The following ST3GAL1 variants were observed in gnomAD, a reference collection of about 807,000 sequenced individuals.
ST3GAL1 encodes ST3 beta-galactoside alpha-2,3-sialyltransferase 1.
In ST3GAL1, 16 loss-of-function variants were observed where a neutral mutation model predicts 34.1. The observed-to-expected ratio is 0.47, with a 90% CI of 0.32 to 0.71. The LOEUF is 0.71. Ranked by LOEUF, ST3GAL1 falls within the 30% of genes least tolerant of loss-of-function variation. The pLI is 0.04. For missense variants in ST3GAL1, 353 were observed against 447.4 expected (o/e 0.79, Z 1.90); for synonymous variants, 191 against 184.7 (o/e 1.03, Z -0.28).
intron 2 of ST3GAL1, among the ~76,000 whole-genome samples, chr8:133,541,147 A>AGAGAGAGAGAGAGAGAGAGAGT: frequency 8.0e-6 from 1 of 125,480 alleles, no homozygotes; most frequent in East Asian, 2.4e-4. Context: ...AGAGAGAGAG[A>AGAGAGAGAGAGAGAGAGAGAGT]GAGAGACTGT....
rs558199609 is a variant in ST3GAL1 at position 133,509,857 on chromosome 8, A to G, written c.-428-10668T>C. 1.8e-4 allele frequency among the ~76,000 whole-genome samples: 27 copies of G among 152,272 alleles called. No individual in the cohort carries two copies. In the East Asian group the frequency reaches 4.8e-3, roughly 27 times the overall value. On this transcript the variant is annotated intron_variant, in intron 2 of 9. Coordinates refer to ENST00000522652, the MANE Select transcript of ST3GAL1 (RefSeq NM_173344.3). ...TGGATCAACTGAGGTCTGGAGTTCG[A>G]GACCAGCCTGGCCAAAATGGTGACA... is the stretch of plus-strand genomic sequence containing the variant.
rs145011746 is a variant in ST3GAL1, at chr8:133,461,829, C to T, written c.849+46G>A. ...CCTGGCCTCTCTTGGGAACACAGGA[C>T]GGTGAGCTTCGAGGCAGCCCTGTGG... On this transcript the variant is annotated intron_variant, in intron 9 of 9. Coordinates refer to ENST00000522652, the MANE Select transcript of ST3GAL1 (RefSeq NM_173344.3). This position sits in a 1 kb window ranked among gnomAD's most constrained non-coding sequence, Gnocchi z 4.7. The T allele has an allele frequency of 1.8e-4, 294 of 1,610,870 alleles. 3 individuals are homozygous for T. The East Asian group carries it at 5.1e-3, about 28-fold the overall frequency.
At chr8:133,537,030 C>A (rs1052515615) in intron 2 of ST3GAL1, among the ~76,000 whole-genome samples, 1 of 152,112 alleles carries the variant, frequency 6.6e-6, no homozygotes, top group African/African-American at 2.4e-5. Context: ...GAGATCAGTG[C>A]CCCAGACTGC....
intron 2 of ST3GAL1, among the ~76,000 whole-genome samples, chr8:133,533,967 AC>A (rs1246978348): frequency 6.6e-6 from 1 of 152,184 alleles, no homozygotes; most frequent in Admixed American, 6.5e-5. Flanking sequence ...TTAACACAAT[AC>A]AACCATATAG....
chr8:133,459,861 G>A lies in ST3GAL1; in HGVS notation c.926C>T (p.Ala309Val). Residue 309 changes from alanine to valine, a missense_variant, in exon 10 of 10, where the codon GCT (alanine) becomes GTT (valine). Coordinates refer to ENST00000522652, the MANE Select transcript of ST3GAL1 (RefSeq NM_173344.3). The surrounding 1 kb of genome is among the most constrained non-coding windows in gnomAD (Gnocchi z 4.7). Reference sequence around the variant, plus strand: ...ATCGTGCACCCCCGTCTTGCGAAAAGCCCCCGCGGATGGGTTGTTCTCCCA... The same window carrying A: ...ATCGTGCACCCCCGTCTTGCGAAAAACCCCCGCGGATGGGTTGTTCTCCCA... ...HYWENNPSAGAFRKTGVHDAD... is the reference protein window; with the variant it reads ...HYWENNPSAGVFRKTGVHDAD... The A allele has an allele frequency of 6.2e-7, 1 of 1,614,178 alleles. No homozygotes were observed. The highest frequency in any genetic ancestry group is 1.1e-5 in the South Asian group (1 of 91,080).
chr8:133,514,627 C>T (rs1817591462), intron 2 of ST3GAL1, among the ~76,000 whole-genome samples: 1 of 152,044 alleles, frequency 6.6e-6, no homozygotes, highest in Admixed American at 6.5e-5. Flanking sequence ...GCAAGGGCTC[C>T]CTAGAAGCTC....
At chr8:133,555,397 A>G (rs762350061) in intron 1 of ST3GAL1, among the ~76,000 whole-genome samples, 40 of 152,246 alleles carry the variant, frequency 2.6e-4, no homozygotes, top group Non-Finnish European at 4.7e-4. Flanking sequence ...TCAGCACCGT[A>G]GTGCAATCTG....
chr8:133,534,071 C>G (rs1388045671), intron 2 of ST3GAL1, among the ~76,000 whole-genome samples: 1 of 152,130 alleles, frequency 6.6e-6, no homozygotes, highest in Non-Finnish European at 1.5e-5. Context: ...ACGGGCCCAA[C>G]CCCCAAGGAG....
chr8:133,488,406 G>T (rs1328178439), intron 3 of ST3GAL1: 3 of 152,240 alleles, frequency 2.0e-5, no homozygotes, highest in African/African-American at 7.2e-5. Context: ...TCATCCAATA[G>T]GTTGAAGGCC....
intron 2 of ST3GAL1, among the ~76,000 whole-genome samples, chr8:133,510,066 A>AG: frequency 1.3e-5 from 2 of 152,068 alleles, no homozygotes; most frequent in Middle Eastern, 3.4e-3. Flanking sequence ...TCTCAAAAAA[A>AG]AAAAAAAAAA....
In ST3GAL1 at chr8:133,565,299, CCA is replaced by C. The variant is rs377395016; in HGVS notation, c.-582+6392_-582+6393del. On this transcript the variant is annotated intron_variant, in intron 1 of 9. Coordinates refer to ENST00000522652, the MANE Select transcript of ST3GAL1 (RefSeq NM_173344.3). ...TGCTGGGTGGGCTCAGCTCTTGGTG[CCA>C]CAGAGTTGCAGAGGGCAGGACAGAG... is the stretch of plus-strand genomic sequence containing the variant. 5.3e-5 allele frequency among the ~76,000 whole-genome samples: 8 copies of C among 152,232 alleles called. No homozygotes were observed. The East Asian group carries it at 1.4e-3, about 26-fold the overall frequency.
chr8:133,459,578 C>T lies in ST3GAL1; in HGVS notation c.*186G>A. 1 of 588,914 alleles carries T rather than the reference C, an allele frequency of 1.7e-6. No homozygotes were observed. The allele number at this position is 588,914 out of a possible 1,614,324, so 36.5% of individuals were successfully genotyped here. On this transcript the variant is annotated 3_prime_UTR_variant, in exon 10 of 10. Coordinates refer to ENST00000522652, the MANE Select transcript of ST3GAL1 (RefSeq NM_173344.3). The surrounding 1 kb of genome is among the most constrained non-coding windows in gnomAD (Gnocchi z 4.7). ...AGGTTCCAAGACATGCTCTGCCACG[C>T]TGGCAGAGCTTAGTGACCTTGCTGA...
intron 1 of ST3GAL1, among the ~76,000 whole-genome samples, chr8:133,552,253 C>T (rs1015781860): frequency 4.6e-5 from 7 of 152,280 alleles, no homozygotes; most frequent in South Asian, 2.1e-4. Context: ...GATTCCCATC[C>T]GGGACATGAC....
intron 2 of ST3GAL1, among the ~76,000 whole-genome samples, chr8:133,532,247 G>A (rs1411538425): frequency 6.6e-6 from 1 of 152,030 alleles, no homozygotes; most frequent in Admixed American, 6.6e-5. Flanking sequence ...TGCGGCGGGT[G>A]GATCACCTGA....
chr8:133,495,198 A>G (rs909897453), intron 3 of ST3GAL1, among the ~76,000 whole-genome samples: 1 of 152,136 alleles, frequency 6.6e-6, no homozygotes, highest in East Asian at 1.9e-4. Context: ...GATTACAGGC[A>G]TGAGCCACCG....
At chr8:133,554,593 G>T (rs1818952112) in intron 1 of ST3GAL1, among the ~76,000 whole-genome samples, 1 of 151,988 alleles carries the variant, frequency 6.6e-6, no homozygotes. Context: ...CCTTCTCCTG[G>T]GCCACCACCT....
chr8:133,465,073 C>G, intron 6 of ST3GAL1, 116 bp from the exon 7 acceptor site: 1 of 993,772 alleles, frequency 1.0e-6, no homozygotes, highest in Non-Finnish European at 1.5e-6. Context: ...ACCTGCCTTC[C>G]CCGGGCCTCC....
chr8:133,541,076 TATAGACATATATATATAAAC>T lies in ST3GAL1; in HGVS notation c.-429+4678_-429+4697del, dbSNP rs1303988277. On this transcript the variant is annotated intron_variant, in intron 2 of 9. Transcript: ENST00000522652. ...ATAGACATATATATATAGACATATA[TATAGACATATATATATAAAC>T]ATATATATATATATATATATATATA... Among the ~76,000 whole-genome samples, 24 of 107,168 alleles carry T rather than the reference TATAGACATATATATATAAAC, an allele frequency of 2.2e-4. 2 individuals are homozygous for T. The highest frequency in any genetic ancestry group is 8.8e-4 in the South Asian group (3 of 3,420). The allele number at this position is 107,168 out of a possible 152,430, so 70.3% of individuals were successfully genotyped here.
chr8:133,562,842 C>A, intron 1 of ST3GAL1, among the ~76,000 whole-genome samples: 1 of 66,408 alleles, frequency 1.5e-5, no homozygotes, highest in African/African-American at 8.4e-5. Flanking sequence ...TCCTTCCTTC[C>A]TTTCTTTCTT....
Sources: gnomAD v4.1 joint callset for allele counts (sites outside exome capture counted in the v4.1 genomes callset) on GRCh38, gnomAD v4.1.1 for gene constraint, Gnocchi (gnomAD v3.1) non-coding constraint, MANE v1.5 for transcripts, NCBI Gene and HGNC (gene_info 2026-07-23, HGNC 2026-07-21) for gene names.